MAF: variants seen among roughly 807,000 people sequenced by gnomAD.
MAF encodes transcription factor Maf.
MAF carries 10 observed loss-of-function variants against 22.0 expected under a neutral mutation model. The ratio of observed to expected loss-of-function variants is 0.45; its 90% CI spans 0.28 to 0.77. The LOEUF is 0.77. MAF is among the 30% of genes least tolerant of loss of function. MAF has a pLI of 0.12. For synonymous variants in MAF, 337 were observed against 255.8 expected (o/e 1.32, Z -3.03); for missense variants, 544 against 548.4 (o/e 0.99, Z 0.08).
At chr16:79,371,558 C>T in the MAF span, among the ~76,000 whole-genome samples, 1 of 152,304 alleles carries the variant, frequency 6.6e-6, no homozygotes, top group South Asian at 2.1e-4. Context: ...GCACACTGGA[C>T]TCCTTCCTGC....
At chr16:79,323,915 G>A in the MAF span, among the ~76,000 whole-genome samples, 1 of 152,174 alleles carries the variant, frequency 6.6e-6, no homozygotes, top group Non-Finnish European at 1.5e-5. Flanking sequence ...CGGGGTCAGA[G>A]AGAGGTGGGT....
chr16:79,502,176 T>C, the MAF span, among the ~76,000 whole-genome samples: 2 of 152,122 alleles, frequency 1.3e-5, no homozygotes, highest in East Asian at 1.9e-4. Context: ...GAAAGGTACA[T>C]ACGGTGGAAG....
chr16:79,454,349 G>A, the MAF span, among the ~76,000 whole-genome samples: 10 of 152,164 alleles, frequency 6.6e-5, 1 homozygote, highest in African/African-American at 1.9e-4. Flanking sequence ...CTGCAGAGTC[G>A]AAGGAAGTCT....
At chr16:79,472,733 C>T in the MAF span, among the ~76,000 whole-genome samples, 1 of 151,760 alleles carries the variant, frequency 6.6e-6, no homozygotes, top group Admixed American at 6.6e-5. Context: ...TACAAAAGCC[C>T]ATTAAATGTC....
chr16:79,498,681 C>G, the MAF span, among the ~76,000 whole-genome samples: 10 of 152,156 alleles, frequency 6.6e-5, no homozygotes, highest in African/African-American at 2.4e-4. Flanking sequence ...AGTTCATATG[C>G]CTGGTTAGTG....
At chr16:79,403,058 C>G in the MAF span, among the ~76,000 whole-genome samples, 4 of 152,132 alleles carry the variant, frequency 2.6e-5, no homozygotes, top group Admixed American at 1.3e-4. Context: ...GATTTCAGCT[C>G]TTTGATGTGG....
the MAF span, among the ~76,000 whole-genome samples, chr16:79,413,210 GTTT>G: frequency 1.6e-5 from 1 of 63,618 alleles, no homozygotes; most frequent in African/African-American, 5.6e-5. Flanking sequence ...GAGCTGTGCA[GTTT>G]TTTTTTTTTT....
At chr16:79,533,965 T>C in the MAF span, among the ~76,000 whole-genome samples, 1 of 152,236 alleles carries the variant, frequency 6.6e-6, no homozygotes, top group Non-Finnish European at 1.5e-5. Context: ...GGGAAATTCA[T>C]GCCCTCCTGT....
chr16:79,488,429 G>A, the MAF span, among the ~76,000 whole-genome samples: 1 of 151,666 alleles, frequency 6.6e-6, no homozygotes, highest in African/African-American at 2.4e-5. Context: ...GTACACTGGT[G>A]ACCTTGGGTG....
the MAF span, among the ~76,000 whole-genome samples, chr16:79,516,927 CA>C: frequency 6.6e-6 from 1 of 152,190 alleles, no homozygotes; most frequent in Non-Finnish European, 1.5e-5. Flanking sequence ...CAAAATTTTG[CA>C]TGGCTAGGAA....
chr16:79,303,693 G>T, the MAF span, among the ~76,000 whole-genome samples: 1 of 152,096 alleles, frequency 6.6e-6, no homozygotes, highest in African/African-American at 2.4e-5. Flanking sequence ...TGTTGAGAAG[G>T]GTTCTGAGGC....
chr16:79,437,809 C>T, the MAF span, among the ~76,000 whole-genome samples: 1 of 152,192 alleles, frequency 6.6e-6, no homozygotes, highest in Admixed American at 6.5e-5. Flanking sequence ...CTTTTCACTC[C>T]CTCACAACAG....
the MAF span, among the ~76,000 whole-genome samples, chr16:79,242,179 A>G: frequency 2.6e-5 from 4 of 151,986 alleles, no homozygotes; most frequent in African/African-American, 4.8e-5. Flanking sequence ...GATCAAATTC[A>G]CACATAACAG....
the MAF span, among the ~76,000 whole-genome samples, chr16:79,476,420 T>C: frequency 2.6e-5 from 4 of 152,238 alleles, no homozygotes; most frequent in South Asian, 6.2e-4. Context: ...ACTTTACATA[T>C]GTTTAAATTT....
chr16:79,533,286 C>T, the MAF span, among the ~76,000 whole-genome samples: 2 of 152,186 alleles, frequency 1.3e-5, no homozygotes, highest in African/African-American at 4.8e-5. Flanking sequence ...TCTGCCTTTA[C>T]ATATCACTTT....
chr16:79,516,252 T>G, the MAF span: 1 of 152,162 alleles, frequency 6.6e-6, no homozygotes, highest in African/African-American at 2.4e-5. Context: ...TTTTTTACAA[T>G]GTTACTGAAT....
At chr16:79,229,902 A>C in the MAF span, among the ~76,000 whole-genome samples, 1 of 151,982 alleles carries the variant, frequency 6.6e-6, no homozygotes, top group African/African-American at 2.4e-5. Flanking sequence ...GTATTAATTT[A>C]ACTTCGTTTT....
the MAF span, among the ~76,000 whole-genome samples, chr16:79,311,706 T>A: frequency 6.6e-6 from 1 of 152,084 alleles, no homozygotes; most frequent in African/African-American, 2.4e-5. Context: ...ATTCCACAGC[T>A]TGGATGTTTG....
chr16:79,519,386 A>G, the MAF span, among the ~76,000 whole-genome samples: 5 of 152,170 alleles, frequency 3.3e-5, no homozygotes, highest in East Asian at 9.6e-4. Context: ...TGATGGAGAG[A>G]ACATCTACGG....
Sources: allele counts gnomAD v4.1 joint callset (sites outside exome capture counted in the v4.1 genomes callset), GRCh38; gene constraint gnomAD v4.1.1; transcripts MANE v1.5; gene names NCBI Gene and HGNC (gene_info 2026-07-23, HGNC 2026-07-21).